THRB: variants seen among roughly 807,000 people sequenced by gnomAD.
THRB encodes thyroid hormone receptor beta, also known as nuclear receptor subfamily 1 group A member 2.
Under a neutral mutation model 47.8 loss-of-function variants are expected in THRB, and 12 were observed. The observed-to-expected ratio is 0.25, with a 90% confidence interval of 0.16 to 0.41. The LOEUF (loss-of-function observed/expected upper bound fraction) is 0.41. THRB is among the 10% of genes least tolerant of loss of function. The probability of loss-of-function intolerance (pLI) is 1.00; values close to 1 mark genes in which losing one functional copy is unlikely to be tolerated. For missense variants in THRB, 348 were observed against 589.2 expected (o/e 0.59, Z 4.24); for synonymous variants, 218 against 212.2 (o/e 1.03, Z -0.24).
intron 1 of THRB, among the ~76,000 whole-genome samples, chr3:24,370,023 T>C (rs970102132): frequency 6.6e-6 from 1 of 152,142 alleles, no homozygotes; most frequent in Non-Finnish European, 1.5e-5. Flanking sequence ...AGATAAGTAT[T>C]AAAAGATGCT....
chr3:24,218,095 T>C (rs542644623), intron 4 of THRB, among the ~76,000 whole-genome samples: 116 of 152,004 alleles, frequency 7.6e-4, no homozygotes, highest in African/African-American at 2.7e-3. Context: ...TGAAACCTCG[T>C]CTCTACTAAA....
intron 1 of THRB, among the ~76,000 whole-genome samples, chr3:24,340,003 T>C (rs2062522059): frequency 6.6e-6 from 1 of 152,232 alleles, no homozygotes; most frequent in Admixed American, 6.5e-5. Context: ...ATATAGTTAT[T>C]TCTGGGCATG....
In THRB at chr3:24,484,271, T is replaced by C. The variant is rs143493081; in HGVS notation, c.-261+10381A>G. Among the ~76,000 whole-genome samples, 507 of 152,332 alleles carry C rather than the reference T, an allele frequency of 3.3e-3. 5 individuals carry two copies. Among genetic ancestry groups the C allele is most frequent in the African/African-American group, 0.011 (439 of 41,580 alleles). On this transcript the variant is annotated intron_variant, in intron 1 of 10. Transcript: ENST00000646209. ...AAAGAAAATGTCTCAATCACTTGAATTAATGATATAATTTACTTTTTCATG... is the reference window on the plus strand; with the variant it reads ...AAAGAAAATGTCTCAATCACTTGAACTAATGATATAATTTACTTTTTCATG...
At chr3:24,254,930 A>T (rs1210312709) in intron 3 of THRB, among the ~76,000 whole-genome samples, 1 of 152,230 alleles carries the variant, frequency 6.6e-6, no homozygotes, top group African/African-American at 2.4e-5. Flanking sequence ...TTTCCTCTCT[A>T]ATAACATGTA....
At chr3:24,352,025 T>C (rs1455381406) in intron 1 of THRB, among the ~76,000 whole-genome samples, 1 of 152,176 alleles carries the variant, frequency 6.6e-6, no homozygotes, top group Non-Finnish European at 1.5e-5. Context: ...TGAGCATCTA[T>C]GTGTATCACT....
intron 2 of THRB, among the ~76,000 whole-genome samples, chr3:24,329,249 C>T (rs2149360365): frequency 6.6e-6 from 1 of 152,298 alleles, no homozygotes; most frequent in Non-Finnish European, 1.5e-5. Context: ...CTGGTCCAGC[C>T]TGAATTCTTA....
At chr3:24,341,056 A>G (rs1315055923) in intron 1 of THRB, among the ~76,000 whole-genome samples, 1 of 151,082 alleles carries the variant, frequency 6.6e-6, no homozygotes, top group Non-Finnish European at 1.5e-5. Flanking sequence ...AAGCCATCAC[A>G]TTATATCTTC....
At chr3:24,208,929 T>C (rs1183310462) in intron 4 of THRB, among the ~76,000 whole-genome samples, 3 of 152,286 alleles carry the variant, frequency 2.0e-5, no homozygotes, top group African/African-American at 7.2e-5. Context: ...TAGAAAATTT[T>C]TGCAATCTAC....
At chr3:24,473,772 G>A (rs1384604574) in intron 1 of THRB, among the ~76,000 whole-genome samples, 1 of 152,174 alleles carries the variant, frequency 6.6e-6, no homozygotes, top group African/African-American at 2.4e-5. Flanking sequence ...AAAAGGATGA[G>A]TTCATGTCCT....
At chr3:24,354,748 G>T (rs1476192354) in intron 1 of THRB, among the ~76,000 whole-genome samples, 1 of 152,114 alleles carries the variant, frequency 6.6e-6, no homozygotes, top group African/African-American at 2.4e-5. Flanking sequence ...TTAATTAAAA[G>T]AACTTGGTTT....
At chr3:24,425,924 A>C (rs2069716080) in intron 1 of THRB, among the ~76,000 whole-genome samples, 1 of 151,980 alleles carries the variant, frequency 6.6e-6, no homozygotes, top group Non-Finnish European at 1.5e-5. Flanking sequence ...AGAGTTAAGC[A>C]CACAGATTTC....
intron 1 of THRB, among the ~76,000 whole-genome samples, chr3:24,461,380 C>G (rs979943754): frequency 6.6e-6 from 1 of 152,218 alleles, no homozygotes; most frequent in Non-Finnish European, 1.5e-5. Flanking sequence ...GATGTTGGTA[C>G]ATAGCTGGTA....
At chr3:24,471,302 C>G (rs992686046) in intron 1 of THRB, among the ~76,000 whole-genome samples, 1 of 152,152 alleles carries the variant, frequency 6.6e-6, no homozygotes, top group African/African-American at 2.4e-5. Context: ...ATGCAGCAAT[C>G]TGTATGTTAA....
intron 1 of THRB, among the ~76,000 whole-genome samples, chr3:24,405,719 CT>C (rs1293248278): frequency 1.3e-5 from 2 of 151,080 alleles, no homozygotes; most frequent in South Asian, 2.1e-4. Flanking sequence ...GACTATTTTG[CT>C]TTTTTTTCTT....
intron 1 of THRB, among the ~76,000 whole-genome samples, chr3:24,371,610 CAA>C (rs918977212): frequency 1.9e-4 from 29 of 152,018 alleles, no homozygotes; most frequent in African/African-American, 6.8e-4. Flanking sequence ...GCCATAATGT[CAA>C]AGACTGTCTA....
At chr3:24,301,244 A>G (rs2056919445) in intron 2 of THRB, among the ~76,000 whole-genome samples, 1 of 152,178 alleles carries the variant, frequency 6.6e-6, no homozygotes, top group Non-Finnish European at 1.5e-5. Flanking sequence ...CTGTTGTTTT[A>G]AACCACCAAG....
intron 4 of THRB, among the ~76,000 whole-genome samples, chr3:24,218,331 TCTCTCTC>T (rs1463911154): frequency 1.7e-5 from 2 of 119,426 alleles, no homozygotes; most frequent in African/African-American, 6.8e-5. Flanking sequence ...TTTGTCTCTC[TCTCTCTC>T]TCTCTTTTTT....
At chr3:24,338,328 C>G (rs7632541) in intron 1 of THRB, among the ~76,000 whole-genome samples, 44,911 of 152,114 alleles carry the variant, frequency 0.3, 8,285 homozygotes, top group African/African-American at 0.5. Flanking sequence ...TTCAAGACCA[C>G]TATTTTTCCT....
intron 3 of THRB, among the ~76,000 whole-genome samples, chr3:24,284,585 T>C (rs1056174220): frequency 3.3e-5 from 5 of 150,650 alleles, no homozygotes; most frequent in African/African-American, 7.5e-5. Flanking sequence ...ACAAATGGGA[T>C]CTAATTAAAC....
Sources: allele counts gnomAD v4.1 joint callset (sites outside exome capture counted in the v4.1 genomes callset), GRCh38; gene constraint gnomAD v4.1.1; transcripts MANE v1.5; gene names NCBI Gene and HGNC (gene_info 2026-07-23, HGNC 2026-07-21).